The following CUL3 variants were observed in gnomAD, a reference collection of about 807,000 sequenced individuals.
The protein encoded by CUL3 is cullin-3.
Under a neutral mutation model 89.1 loss-of-function variants are expected in CUL3, and 19 were observed. The ratio of observed to expected loss-of-function variants is 0.21; its 90% CI spans 0.15 to 0.31. The LOEUF (loss-of-function observed/expected upper bound fraction) is 0.31, where lower values mean the gene tolerates loss of function less well. Among genes scored for constraint, CUL3 ranks in the 10% least tolerant of loss-of-function variants. The pLI, the probability that CUL3 is intolerant of heterozygous loss-of-function variation, is 1.00. For missense variants in CUL3, 469 were observed against 942.3 expected (o/e 0.50, Z 6.58); for synonymous variants, 351 against 308.4 (o/e 1.14, Z -1.45).
chr2:224,502,122 T>A (rs1692415509), intron 10 of CUL3, among the ~76,000 whole-genome samples: 1 of 152,296 alleles, frequency 6.6e-6, no homozygotes, highest in South Asian at 2.1e-4. Context: ...TTCATAGAAA[T>A]GAATGGTTAT....
Position 224,513,620 on chromosome 2 carries a change from A to C in CUL3, c.558T>G (p.Ala186=). 1 of 1,593,038 alleles carries C rather than the reference A, an allele frequency of 6.3e-7. No homozygotes were observed. Among genetic ancestry groups the C allele is most frequent in the Non-Finnish European group, 8.5e-7 (1 of 1,174,416 alleles). Residue 186 remains alanine (A), a synonymous_variant, in exon 5 of 16, where the codon GCT becomes GCG. Coordinates refer to ENST00000264414, the MANE Select transcript of CUL3 (RefSeq NM_003590.5). ...EVVDRGAIRN[A]CQMLMILGLE... is the part of the protein sequence containing the mutation. ...GACCTAAAATCATTAACATCTGGCA[A>C]GCATTTCTTATTGCGCCTCTGTCGA...
intron 1 of CUL3, among the ~76,000 whole-genome samples, chr2:224,580,599 G>A (rs1695412795): frequency 6.6e-6 from 1 of 152,092 alleles, no homozygotes; most frequent in Non-Finnish European, 1.5e-5. Context: ...CACAAGAATC[G>A]GTTGAACCCA....
intron 14 of CUL3, among the ~76,000 whole-genome samples, chr2:224,480,984 T>C (rs1691519029): frequency 1.3e-5 from 2 of 152,180 alleles, no homozygotes; most frequent in African/African-American, 2.4e-5. Context: ...AAAGTATACA[T>C]ACGAAACAAA....
chr2:224,482,944 G>A (rs1691585544), intron 13 of CUL3, among the ~76,000 whole-genome samples: 1 of 152,158 alleles, frequency 6.6e-6, no homozygotes, highest in South Asian at 2.1e-4. Flanking sequence ...TGAAGATGGT[G>A]ATATTCAGAT....
At chr2:224,553,245 G>T (rs1345508784) in intron 2 of CUL3, among the ~76,000 whole-genome samples, 1 of 152,152 alleles carries the variant, frequency 6.6e-6, no homozygotes, top group African/African-American at 2.4e-5. Context: ...CAAAAGCACA[G>T]AAACTAGCAG....
At chr2:224,501,850 G>T (rs1692402988) in intron 10 of CUL3, among the ~76,000 whole-genome samples, 1 of 151,980 alleles carries the variant, frequency 6.6e-6, no homozygotes, top group South Asian at 2.1e-4. Flanking sequence ...CTTTCAATGT[G>T]TAAGATTAGT....
chr2:224,474,127 G>T lies in CUL3; in HGVS notation c.*118C>A. ...GTAAAGGCTTGATCTCAATGGTCTA[G>T]AACATGTACTGTAATTTAATAGAAG... is the stretch of plus-strand genomic sequence containing the variant. On this transcript the variant is annotated 3_prime_UTR_variant, in exon 16 of 16. Transcript: ENST00000264414. The T allele has an allele frequency of 9.3e-7, 1 of 1,073,316 alleles. No individual in the cohort carries two copies. Among genetic ancestry groups the T allele is most frequent in the Non-Finnish European group, 1.3e-6 (1 of 753,978 alleles). The allele number at this position is 1,073,316 out of a possible 1,614,324, so 66.5% of individuals were successfully genotyped here. A position where few individuals can be genotyped will look rare whatever the true frequency, so the allele number is the denominator to read the frequency against.
intron 1 of CUL3, among the ~76,000 whole-genome samples, chr2:224,581,981 T>G (rs575189931): frequency 2.6e-5 from 4 of 152,168 alleles, no homozygotes; most frequent in African/African-American, 4.8e-5. Flanking sequence ...TTTTTTTTTT[T>G]GAGACAGAGT....
chr2:224,534,574 G>C (rs186661209), intron 3 of CUL3, among the ~76,000 whole-genome samples: 3 of 152,132 alleles, frequency 2.0e-5, no homozygotes, highest in Admixed American at 6.5e-5. Flanking sequence ...ATGTTAATAT[G>C]GTTTTTTCCA....
chr2:224,520,594 C>G (rs1308743748), intron 3 of CUL3, among the ~76,000 whole-genome samples: 1 of 152,178 alleles, frequency 6.6e-6, no homozygotes, highest in African/African-American at 2.4e-5. Context: ...AAAACATCAA[C>G]TAGGACAGGC....
intron 10 of CUL3, among the ~76,000 whole-genome samples, chr2:224,501,253 C>T (rs765825552): frequency 2.0e-5 from 3 of 152,294 alleles, no homozygotes; most frequent in South Asian, 2.1e-4. Flanking sequence ...AAAACTTTTA[C>T]GTTTTAGCAT....
At chr2:224,558,083 A>C (rs551497199) in intron 1 of CUL3, among the ~76,000 whole-genome samples, 2 of 151,880 alleles carry the variant, frequency 1.3e-5, no homozygotes, top group African/African-American at 2.4e-5. Context: ...ATCTTTTAAG[A>C]CCTCCCTCCA....
intron 1 of CUL3, among the ~76,000 whole-genome samples, chr2:224,568,606 A>C (rs1270584433): frequency 6.6e-6 from 1 of 152,230 alleles, no homozygotes; most frequent in Non-Finnish European, 1.5e-5. Flanking sequence ...AGTAGTGTAC[A>C]AGTAACACAC....
At chr2:224,550,716 A>G (rs1694481533) in intron 2 of CUL3, among the ~76,000 whole-genome samples, 1 of 152,132 alleles carries the variant, frequency 6.6e-6, no homozygotes, top group Non-Finnish European at 1.5e-5. Flanking sequence ...CATCCAAAAT[A>G]TATCTTGTAT....
chr2:224,555,561 G>C (rs1343787890), intron 2 of CUL3, among the ~76,000 whole-genome samples: 1 of 151,950 alleles, frequency 6.6e-6, no homozygotes, highest in African/African-American at 2.4e-5. Flanking sequence ...ACTTAGTCTG[G>C]CACCCAAATT....
intron 3 of CUL3, among the ~76,000 whole-genome samples, chr2:224,530,196 G>A (rs539248507): frequency 2.0e-5 from 3 of 152,218 alleles, no homozygotes; most frequent in South Asian, 2.1e-4. Context: ...CCAAGATCGC[G>A]CCACTGCACT....
In CUL3 at chr2:224,514,786, CATATAAAT is replaced by C; in HGVS notation, c.379-22_379-15del. The C allele has an allele frequency of 6.3e-7, 1 of 1,580,918 alleles. No homozygotes were observed. Among genetic ancestry groups the C allele is most frequent in the Non-Finnish European group, 8.7e-7 (1 of 1,151,456 alleles). ...ATACACACGGTCCTACAGTTAAAGT[CATATAAAT>C]ATGAGTACAGTTCTTGTGAGCATAA... On this transcript the variant is annotated splice_polypyrimidine_tract_variant and intron_variant, in intron 3 of 15. Transcript: ENST00000264414.
At chr2:224,483,005 T>C (rs1004506033) in intron 13 of CUL3, among the ~76,000 whole-genome samples, 8 of 152,174 alleles carry the variant, frequency 5.3e-5, no homozygotes, top group African/African-American at 1.9e-4. Flanking sequence ...GACAAGTCTT[T>C]GAGCAACAGT....
intron 14 of CUL3, among the ~76,000 whole-genome samples, chr2:224,481,597 A>C (rs969293285): frequency 2.0e-5 from 3 of 152,114 alleles, no homozygotes; most frequent in African/African-American, 7.2e-5. Context: ...TTAGTTAACA[A>C]CTTAAAAACA....
Sources: allele counts gnomAD v4.1 joint callset (sites outside exome capture counted in the v4.1 genomes callset), GRCh38; gene constraint gnomAD v4.1.1; transcripts MANE v1.5; gene names NCBI Gene and HGNC (gene_info 2026-07-23, HGNC 2026-07-21).